The following FBN2 variants were observed in gnomAD, a reference collection of about 807,000 sequenced individuals.
The protein encoded by FBN2 is fibrillin-2.
A neutral mutation model predicts 355.6 loss-of-function variants in FBN2; 105 were observed. That is an observed-to-expected ratio of 0.30 (90% confidence interval 0.25 to 0.35). The LOEUF is 0.35. Ranked by LOEUF, FBN2 falls within the 10% of genes least tolerant of loss-of-function variation. The pLI is 1.00. For missense variants in FBN2, 3,280 were observed against 3,758.7 expected, an observed-to-expected ratio of 0.87 and a Z score of 3.33; for synonymous variants, 1,350 against 1,301.2, an observed-to-expected ratio of 1.04 and a Z score of -0.81.
chr5:128,506,016 A>G (rs1347232369), intron 5 of FBN2, among the ~76,000 whole-genome samples: 1 of 152,214 alleles, frequency 6.6e-6, no homozygotes, highest in Non-Finnish European at 1.5e-5. Flanking sequence ...TAATCATATG[A>G]TATGCATATA....
rs755616045 is a variant in FBN2 at position 128,263,619 on chromosome 5, A to T, written c.7998T>A (p.Ser2666=). Residue 2666 remains serine (S), a synonymous_variant, in exon 63 of 65, where the codon TCT becomes TCA. Transcript: ENST00000262464. ...NECSNPNACG[S]ASCYNTLGSY... Reference sequence around the variant, plus strand: ...TCCCCAGGGTGTTGTAGCAGGAAGCAGAGCCACAGGCATTGGGATTGGAGC... The same window carrying T: ...TCCCCAGGGTGTTGTAGCAGGAAGCTGAGCCACAGGCATTGGGATTGGAGC... 5 of 1,614,154 alleles carry T rather than the reference A, an allele frequency of 3.1e-6. No individual in the cohort carries two copies. In the South Asian group the frequency reaches 5.5e-5, roughly 18 times the overall value.
intron 7 of FBN2, among the ~76,000 whole-genome samples, chr5:128,417,592 A>G (rs943285243): frequency 1.3e-5 from 2 of 152,166 alleles, no homozygotes; most frequent in Non-Finnish European, 1.5e-5. Context: ...CTTTTCCTGC[A>G]TCTATTGAGA....
Position 128,259,222 on chromosome 5 carries a change from T to C in FBN2, c.*233A>G, listed in dbSNP as rs1764894705. The stretch of plus-strand genomic sequence containing the variant: ...AGGTTTCTTTTAATATATTTTAAAA[T>C]GAAGTTATATAAAAAATACAGTAAC... On this transcript the variant is annotated 3_prime_UTR_variant, in exon 65 of 65. Coordinates refer to ENST00000262464, the MANE Select transcript of FBN2 (RefSeq NM_001999.4). The C allele has an allele frequency of 5.6e-6, 3 of 531,580 alleles. No homozygotes were observed. Among genetic ancestry groups the C allele is most frequent in the Non-Finnish European group, 1.0e-5 (3 of 298,610 alleles). 32.9% of individuals were successfully genotyped at this position (531,580 alleles called of 1,614,324 possible).
At chr5:128,505,849 A>G (rs1373551860) in intron 5 of FBN2, among the ~76,000 whole-genome samples, 1 of 152,186 alleles carries the variant, frequency 6.6e-6, no homozygotes, top group Non-Finnish European at 1.5e-5. Flanking sequence ...CACTGTATGA[A>G]TATACAACTT....
Position 128,408,731 on chromosome 5 carries a change from A to T in FBN2, c.1021T>A (p.Tyr341Asn). 1 of 1,614,060 alleles carries T rather than the reference A, an allele frequency of 6.2e-7. No homozygotes were observed. The highest frequency in any genetic ancestry group is 8.5e-7 in the Non-Finnish European group (1 of 1,179,918). ...TATCCACGTGGACAAACACAAAAAT[A>T]GCTTCCCACGGTGTTGGAACATTCA... ...TGECSNTVGS[Y>N]FCVCPRGYVT... The change falls in exon 8 of 65, where the codon TAT becomes AAT. Residue 341 changes from tyrosine to asparagine, a missense_variant. By Grantham distance (143) the Tyr-to-Asn change is moderately radical. Coordinates refer to ENST00000262464, the MANE Select transcript of FBN2 (RefSeq NM_001999.4).
intron 48 of FBN2, among the ~76,000 whole-genome samples, chr5:128,296,428 G>T (rs975968577): frequency 2.6e-5 from 4 of 151,722 alleles, no homozygotes; most frequent in Admixed American, 1.3e-4. Context: ...GTTCCTCCTT[G>T]TACCTCTGGT....
Position 128,377,730 on chromosome 5 carries a change from AG to A in FBN2, c.1849+21del, listed in dbSNP as rs1171736591. On this transcript the variant is annotated intron_variant, in intron 13 of 64. Coordinates refer to ENST00000262464, the MANE Select transcript of FBN2 (RefSeq NM_001999.4). ...GTATATCCTTTTAAAATCTTTTGCA[AG>A]GGAGCAGGCAATTTCCATACCAACA... The A allele has an allele frequency of 2.5e-6, 4 of 1,612,642 alleles. No homozygotes were observed. In the African/African-American group the frequency reaches 5.3e-5, roughly 22 times the overall value.
intron 4 of FBN2, among the ~76,000 whole-genome samples, chr5:128,524,998 C>T (rs1009421345): frequency 3.9e-5 from 6 of 152,108 alleles, no homozygotes; most frequent in Non-Finnish European, 5.9e-5. Flanking sequence ...GCGGAAAGTC[C>T]TTTCCATCCC....
intron 4 of FBN2, among the ~76,000 whole-genome samples, chr5:128,526,999 G>C (rs892489687): frequency 6.6e-6 from 1 of 152,100 alleles, no homozygotes; most frequent in Non-Finnish European, 1.5e-5. Flanking sequence ...GTTTTTCTAT[G>C]TTTAAAAAAG....
intron 5 of FBN2, among the ~76,000 whole-genome samples, chr5:128,505,214 A>G (rs1454663168): frequency 6.6e-6 from 1 of 152,198 alleles, no homozygotes; most frequent in Non-Finnish European, 1.5e-5. Context: ...ACAGACTACT[A>G]CAATGGCCAT....
At chr5:128,506,500 G>A (rs1427706671) in intron 5 of FBN2, among the ~76,000 whole-genome samples, 1 of 152,100 alleles carries the variant, frequency 6.6e-6, no homozygotes, top group Non-Finnish European at 1.5e-5. Flanking sequence ...ACTGCCATTA[G>A]TTTGTATCCT....
chr5:128,262,318 C>T (rs1355599083), intron 63 of FBN2, among the ~76,000 whole-genome samples: 1 of 152,174 alleles, frequency 6.6e-6, no homozygotes, highest in African/African-American at 2.4e-5. Context: ...CTCGGACTCC[C>T]AAAGTACTGG....
At chr5:128,510,735 C>T (rs527810261) in intron 5 of FBN2, among the ~76,000 whole-genome samples, 6 of 152,204 alleles carry the variant, frequency 3.9e-5, no homozygotes, top group African/African-American at 1.4e-4. Context: ...AGAAAATAAT[C>T]CCCAAACGAC....
intron 6 of FBN2, among the ~76,000 whole-genome samples, chr5:128,454,713 C>T (rs1754338634): frequency 6.6e-6 from 1 of 152,194 alleles, no homozygotes; most frequent in African/African-American, 2.4e-5. Context: ...ATGAAAAGAA[C>T]ACACACCAGC....
At chr5:128,343,979 C>G (rs1751098760) in intron 25 of FBN2, among the ~76,000 whole-genome samples, 1 of 152,106 alleles carries the variant, frequency 6.6e-6, no homozygotes, top group Non-Finnish European at 1.5e-5. Flanking sequence ...GCCTGTAATC[C>G]CAGCACTTGG....
chr5:128,341,746 T>C (rs765616728), intron 25 of FBN2, among the ~76,000 whole-genome samples: 45 of 152,328 alleles, frequency 3.0e-4, no homozygotes, highest in Admixed American at 2.7e-3. Flanking sequence ...CTTCCCTTCC[T>C]CATTGTTCAT....
chr5:128,262,401 AC>A (rs1764998238), intron 63 of FBN2, among the ~76,000 whole-genome samples: 1 of 152,176 alleles, frequency 6.6e-6, no homozygotes, highest in South Asian at 2.1e-4. Flanking sequence ...TTATTTTGAA[AC>A]AGCAAAATTC....
intron 5 of FBN2, among the ~76,000 whole-genome samples, chr5:128,473,136 G>T (rs975131532): frequency 6.6e-6 from 1 of 152,038 alleles, no homozygotes; most frequent in African/African-American, 2.4e-5. Context: ...CTAATTCCTG[G>T]CACTGGAACT....
Position 128,261,781 on chromosome 5 carries a change from T to G in FBN2, c.8319A>C (p.Lys2773Asn). Residue 2773 changes from lysine to asparagine, a missense_variant, in exon 64 of 65, where the codon AAA becomes AAC. Physicochemically the swap from Lys to Asn is moderately conservative, Grantham distance 94. This residue lies in a region of FBN2 where 311 missense variants were observed against 319.1 expected (regional missense o/e 0.97). Transcript: ENST00000262464. ...GAATACTTCTCTTCTGCCTGCTGTC[T>G]TTCTTAGAATAGCCGTTGATTTTGC... Reference protein sequence around the residue: ...YECKINGYSKKDSRQKRSIHE... With the variant: ...YECKINGYSKNDSRQKRSIHE... 1 of 1,614,230 alleles carries G rather than the reference T, an allele frequency of 6.2e-7. No individual in the cohort carries two copies. Among genetic ancestry groups the G allele is most frequent in the Non-Finnish European group, 8.5e-7 (1 of 1,180,026 alleles).
Sources: gnomAD v4.1 joint callset for allele counts (sites outside exome capture counted in the v4.1 genomes callset) on GRCh38, gnomAD v4.1.1 for gene constraint, gnomAD v4.1.1 regional missense constraint, MANE v1.5 for transcripts, NCBI Gene and HGNC (gene_info 2026-07-23, HGNC 2026-07-21) for gene names.